The following ASTN2 variants were observed in gnomAD, a reference collection of about 807,000 sequenced individuals.
ASTN2 encodes astrotactin-2.
Under a neutral mutation model 139.8 loss-of-function variants are expected in ASTN2, and 54 were observed. That is an observed-to-expected ratio of 0.39 (90% confidence interval 0.31 to 0.48). The LOEUF (loss-of-function observed/expected upper bound fraction) is 0.48. Among genes scored for constraint, ASTN2 ranks in the 20% least tolerant of loss-of-function variants. The pLI, the probability that ASTN2 is intolerant of heterozygous loss-of-function variation, is 0.95. For missense variants in ASTN2, 1,565 were observed against 1,725.1 expected (o/e 0.91, Z 1.64); for synonymous variants, 756 against 719.5 (o/e 1.05, Z -0.81).
At chr9:116,923,123 C>T (rs539084880) in intron 10 of ASTN2, among the ~76,000 whole-genome samples, 1 of 152,330 alleles carries the variant, frequency 6.6e-6, no homozygotes, top group East Asian at 1.9e-4. Flanking sequence ...TAAATCTCAA[C>T]CTTGTCCCCT....
At chr9:116,663,053 C>T (rs980465678) in intron 16 of ASTN2, among the ~76,000 whole-genome samples, 1 of 152,192 alleles carries the variant, frequency 6.6e-6, no homozygotes, top group Admixed American at 6.5e-5. Context: ...GTGTTTAAAA[C>T]TTACTCCTCA....
chr9:117,217,132 A>T (rs1832348874), intron 2 of ASTN2, among the ~76,000 whole-genome samples: 2 of 152,120 alleles, frequency 1.3e-5, no homozygotes, highest in East Asian at 1.9e-4. Context: ...GGGGAGGAGG[A>T]GGAAAGATGG....
At chr9:116,973,843 A>G (rs1836274995) in intron 10 of ASTN2, among the ~76,000 whole-genome samples, 1 of 152,198 alleles carries the variant, frequency 6.6e-6, no homozygotes, top group Admixed American at 6.5e-5. Context: ...TTATAAATCT[A>G]TTCTTTTTAA....
chr9:117,310,319 T>C (rs1252317680), intron 1 of ASTN2, among the ~76,000 whole-genome samples: 1 of 152,178 alleles, frequency 6.6e-6, no homozygotes, highest in East Asian at 1.9e-4. Flanking sequence ...GAGGCATCTC[T>C]GTTCCTGCAT....
chr9:117,167,621 G>T (rs1830698440), intron 3 of ASTN2, among the ~76,000 whole-genome samples: 1 of 152,002 alleles, frequency 6.6e-6, no homozygotes, highest in South Asian at 2.1e-4. Flanking sequence ...GAATGTGATG[G>T]ACAAAACCAA....
intron 3 of ASTN2, among the ~76,000 whole-genome samples, chr9:117,161,065 G>A (rs1173414021): frequency 3.3e-5 from 5 of 151,944 alleles, no homozygotes; most frequent in African/African-American, 1.2e-4. Context: ...ATTCTCAAGG[G>A]ATCTTATCTA....
chr9:116,805,356 CTG>C (rs1319122291), intron 13 of ASTN2, among the ~76,000 whole-genome samples: 2 of 152,022 alleles, frequency 1.3e-5, no homozygotes, highest in African/African-American at 4.8e-5. Flanking sequence ...ATGCCATTAA[CTG>C]TACTTATATG....
intron 11 of ASTN2, among the ~76,000 whole-genome samples, chr9:116,849,996 A>G (rs950495189): frequency 1.3e-5 from 2 of 152,204 alleles, no homozygotes; most frequent in Non-Finnish European, 2.9e-5. Context: ...ATTTAAAAGA[A>G]GAAAAAAAAT....
At chr9:116,838,797 A>G (rs557697006) in intron 11 of ASTN2, among the ~76,000 whole-genome samples, 4 of 152,234 alleles carry the variant, frequency 2.6e-5, no homozygotes, top group African/African-American at 7.2e-5. Context: ...GTCTCCTTCA[A>G]TGGAGGCACT....
chr9:117,044,292 G>A (rs533826834), intron 5 of ASTN2, among the ~76,000 whole-genome samples: 1 of 152,182 alleles, frequency 6.6e-6, no homozygotes, highest in African/African-American at 2.4e-5. Flanking sequence ...TGGGAGTTGG[G>A]GTGAGAATGA....
chr9:117,179,583 G>C (rs1172816815), intron 3 of ASTN2, among the ~76,000 whole-genome samples: 1 of 152,126 alleles, frequency 6.6e-6, no homozygotes, highest in Non-Finnish European at 1.5e-5. Flanking sequence ...CTTCTTGGTT[G>C]CTTCTCCTTC....
chr9:116,985,863 A>C (rs1039757260), intron 7 of ASTN2, among the ~76,000 whole-genome samples: 1 of 152,128 alleles, frequency 6.6e-6, no homozygotes, highest in African/African-American at 2.4e-5. Context: ...TCTCAGATGC[A>C]CCAGGAAGGC....
chr9:117,372,205 T>C lies in ASTN2; in HGVS notation c.442+42292A>G, dbSNP rs146928546. On this transcript the variant is annotated intron_variant, in intron 1 of 22. Coordinates refer to ENST00000313400, the MANE Select transcript of ASTN2 (RefSeq NM_001365068.1). ...AATGCAATGACTCAAAGGGTGATTA[T>C]GTCCTTGGCACATTAGCCCTGCACC... 2.4e-3 allele frequency among the ~76,000 whole-genome samples: 358 copies of C among 152,334 alleles called. 2 individuals carry two copies. In the South Asian group the frequency reaches 0.028, roughly 12 times the overall value.
chr9:116,662,152 A>G (rs998193069), intron 16 of ASTN2, among the ~76,000 whole-genome samples: 2 of 152,142 alleles, frequency 1.3e-5, no homozygotes, highest in East Asian at 1.9e-4. Context: ...CCTAATTCAT[A>G]TAAGAGGTAA....
chr9:116,778,488 A>G (rs1244463348), intron 13 of ASTN2, among the ~76,000 whole-genome samples: 1 of 152,198 alleles, frequency 6.6e-6, no homozygotes, highest in Non-Finnish European at 1.5e-5. Context: ...AAAAGACCAT[A>G]GGGAAAATAC....
At chr9:116,463,939 G>C (rs1848573683) in intron 20 of ASTN2, among the ~76,000 whole-genome samples, 1 of 144,796 alleles carries the variant, frequency 6.9e-6, no homozygotes, top group Admixed American at 7.0e-5. Context: ...AGAGAGACAG[G>C]GTTTCATTAT....
chr9:116,631,424 T>C (rs1173697119), intron 17 of ASTN2, among the ~76,000 whole-genome samples: 2 of 152,192 alleles, frequency 1.3e-5, no homozygotes, highest in African/African-American at 4.8e-5. Flanking sequence ...GCCACAGGAA[T>C]AGAACTGGAG....
intron 10 of ASTN2, among the ~76,000 whole-genome samples, chr9:116,919,721 A>G (rs1223072089): frequency 7.3e-6 from 1 of 136,772 alleles, no homozygotes; most frequent in East Asian, 2.3e-4. Flanking sequence ...AGGCAGGTGG[A>G]TTGCTTGATC....
At chr9:117,158,256 A>G (rs1237495649) in intron 3 of ASTN2, among the ~76,000 whole-genome samples, 1 of 152,068 alleles carries the variant, frequency 6.6e-6, no homozygotes. Context: ...TTTTGACTAT[A>G]GCAGTATCAA....
Sources: allele counts gnomAD v4.1 joint callset (sites outside exome capture counted in the v4.1 genomes callset), GRCh38; gene constraint gnomAD v4.1.1; transcripts MANE v1.5; gene names NCBI Gene and HGNC (gene_info 2026-07-23, HGNC 2026-07-21).